AGBL4: variants seen among roughly 807,000 people sequenced by gnomAD.
AGBL4 encodes the protein cytosolic carboxypeptidase 6.
A neutral mutation model predicts 66.4 loss-of-function variants in AGBL4; 58 were observed. The ratio of observed to expected loss-of-function variants is 0.87; its 90% confidence interval spans 0.71 to 1.09. The LOEUF (loss-of-function observed/expected upper bound fraction) is 1.09. Ranked by LOEUF, AGBL4 falls within the 50% of genes least tolerant of loss-of-function variation. The probability of loss-of-function intolerance (pLI) is 0.00; values close to 1 mark genes in which losing one functional copy is unlikely to be tolerated. For missense variants in AGBL4, 579 were observed against 631.0 expected (o/e 0.92, Z 0.88); for synonymous variants, 234 against 222.9 (o/e 1.05, Z -0.44).
rs532737956 is a variant in AGBL4, at chr1:50,015,811, G to A, written c.34+7952C>T. On this transcript the variant is annotated intron_variant, in intron 1 of 13. Transcript: ENST00000371839. ...TACAAAAACAGACACAAAGACCCAT[G>A]GAACAGAACAGAGGAAGCAGAAATA... Among the ~76,000 whole-genome samples the A allele has an allele frequency of 2.6e-5, 4 of 152,228 alleles. No homozygotes were observed. In the East Asian group the frequency reaches 7.7e-4, roughly 29 times the overall value.
intron 1 of AGBL4, among the ~76,000 whole-genome samples, chr1:49,978,714 G>A (rs1318275355): frequency 6.6e-6 from 1 of 152,146 alleles, no homozygotes; most frequent in African/African-American, 2.4e-5. Context: ...AAGATATACT[G>A]TGTATACACA....
chr1:49,897,714 C>A (rs781401151), intron 1 of AGBL4, among the ~76,000 whole-genome samples: 5 of 151,836 alleles, frequency 3.3e-5, no homozygotes, highest in Non-Finnish European at 7.4e-5. Context: ...TACTACAGAG[C>A]GATAGTAACT....
chr1:49,423,094 A>G (rs981147151), intron 3 of AGBL4: 3 of 152,192 alleles, frequency 2.0e-5, no homozygotes, highest in South Asian at 2.1e-4. Context: ...TGGGTCCCCA[A>G]TGTACTGTGG....
At chr1:49,634,010 T>C (rs1434946312) in intron 3 of AGBL4, among the ~76,000 whole-genome samples, 1 of 151,450 alleles carries the variant, frequency 6.6e-6, no homozygotes, top group Admixed American at 6.6e-5. Context: ...CAACATACTA[T>C]CAATAATTTA....
chr1:48,736,155 T>A lies in AGBL4; in HGVS notation c.635-72914A>T. 1 of 1,447,100 alleles carries A rather than the reference T, an allele frequency of 6.9e-7. No homozygotes were observed. Among genetic ancestry groups the A allele is most frequent in the Non-Finnish European group, 9.7e-7 (1 of 1,034,206 alleles). The allele number at this position is 1,447,100 out of a possible 1,614,324, so 89.6% of individuals were successfully genotyped here. On this transcript the variant is annotated intron_variant, in intron 6 of 13. Transcript: ENST00000371839. The surrounding 1 kb of genome is among the most constrained non-coding windows in gnomAD (Gnocchi z 4.0). The stretch of plus-strand genomic sequence containing the variant: ...TGGCATGCAGAAGCTTCATAAGTAA[T>A]CGTTGAATTGAATTGTGCCTAACAC...
At chr1:49,390,242 AT>A (rs1463598922) in intron 3 of AGBL4, among the ~76,000 whole-genome samples, 5 of 152,188 alleles carry the variant, frequency 3.3e-5, no homozygotes, top group African/African-American at 1.2e-4. Context: ...GTCTCAGAGG[AT>A]CTGTCCACTA....
chr1:49,122,932 C>A (rs1015708522), intron 4 of AGBL4, among the ~76,000 whole-genome samples: 3 of 152,158 alleles, frequency 2.0e-5, no homozygotes, highest in African/African-American at 7.2e-5. Flanking sequence ...CGGCTCACTG[C>A]AACCTCCGCC....
intron 3 of AGBL4, among the ~76,000 whole-genome samples, chr1:49,511,638 T>C (rs1156647691): frequency 6.6e-6 from 1 of 151,332 alleles, no homozygotes; most frequent in African/African-American, 2.4e-5. Flanking sequence ...AAATTGAAGC[T>C]CCTTAGCTTG....
At chr1:49,694,716 G>A (rs1303637800) in intron 3 of AGBL4, among the ~76,000 whole-genome samples, 2 of 152,120 alleles carry the variant, frequency 1.3e-5, no homozygotes, top group Non-Finnish European at 2.9e-5. Flanking sequence ...CATGTAATAA[G>A]TAAGTTATAA....
At chr1:49,136,033 A>G (rs969587913) in intron 4 of AGBL4, among the ~76,000 whole-genome samples, 1 of 152,134 alleles carries the variant, frequency 6.6e-6, no homozygotes, top group Non-Finnish European at 1.5e-5. Flanking sequence ...TACTACTATA[A>G]CCAGATAAAT....
At chr1:49,079,661 G>A (rs1644773446) in intron 4 of AGBL4, among the ~76,000 whole-genome samples, 1 of 152,120 alleles carries the variant, frequency 6.6e-6, no homozygotes, top group Non-Finnish European at 1.5e-5. Flanking sequence ...CTGGGTAAGT[G>A]GGCTTACTCT....
intron 2 of AGBL4, among the ~76,000 whole-genome samples, chr1:49,710,440 G>T (rs1647565378): frequency 6.6e-6 from 1 of 152,118 alleles, no homozygotes; most frequent in Non-Finnish European, 1.5e-5. Context: ...GCCTGTTGGA[G>T]GTTGTGGGGC....
chr1:48,817,869 G>A (rs1570743454), intron 6 of AGBL4: 1 of 606,036 alleles, frequency 1.7e-6, no homozygotes, highest in Non-Finnish European at 2.9e-6. Context: ...GTGTTTTTGT[G>A]TGCTTGCAGA....
intron 1 of AGBL4, among the ~76,000 whole-genome samples, chr1:49,896,534 G>C (rs983443495): frequency 2.7e-5 from 4 of 150,512 alleles, no homozygotes; most frequent in African/African-American, 9.8e-5. Context: ...AAATAGACGA[G>C]GAGAGAATAC....
At chr1:48,988,066 A>C (rs192511878) in intron 5 of AGBL4, among the ~76,000 whole-genome samples, 1 of 152,204 alleles carries the variant, frequency 6.6e-6, no homozygotes, top group Admixed American at 6.5e-5. Flanking sequence ...CTTCTCTATG[A>C]AGCCTTTCCT....
chr1:49,636,986 C>T (rs372103286), intron 3 of AGBL4, among the ~76,000 whole-genome samples: 11 of 152,154 alleles, frequency 7.2e-5, no homozygotes, highest in African/African-American at 2.7e-4. Flanking sequence ...TAACCAGCTG[C>T]CAGTGCGGCT....
intron 4 of AGBL4, among the ~76,000 whole-genome samples, chr1:49,151,479 A>G (rs2148120439): frequency 6.6e-6 from 1 of 151,080 alleles, no homozygotes; most frequent in South Asian, 2.1e-4. Context: ...CCTTATTATG[A>G]TGTTGGCCCA....
intron 3 of AGBL4, among the ~76,000 whole-genome samples, chr1:49,271,251 T>C (rs1277784862): frequency 6.6e-6 from 1 of 152,108 alleles, no homozygotes; most frequent in Admixed American, 6.6e-5. Context: ...GAATAGATGG[T>C]CAGTTAAGAA....
chr1:49,880,904 G>A (rs1020207785), intron 1 of AGBL4, among the ~76,000 whole-genome samples: 2 of 152,064 alleles, frequency 1.3e-5, no homozygotes, highest in African/African-American at 2.4e-5. Context: ...CAATATTCGG[G>A]TGGGAGTGAC....
Sources: allele counts gnomAD v4.1 joint callset (sites outside exome capture counted in the v4.1 genomes callset), GRCh38; gene constraint gnomAD v4.1.1; non-coding constraint Gnocchi (gnomAD v3.1); transcripts MANE v1.5; gene names NCBI Gene and HGNC (gene_info 2026-07-23, HGNC 2026-07-21).